The following DNA2 variants were observed in gnomAD, a reference collection of about 807,000 sequenced individuals.
The protein encoded by DNA2 is DNA replication ATP-dependent helicase/nuclease DNA2.
In DNA2, 101 loss-of-function variants were observed where a neutral mutation model predicts 119.1. The observed-to-expected ratio is 0.85, with a 90% CI of 0.72 to 1.00. The LOEUF is 1.00. DNA2 is among the 50% of genes least tolerant of loss of function. DNA2 has a pLI of 0.00. For missense variants in DNA2, 1,121 were observed against 1,255.5 expected (o/e 0.89, Z 1.62); for synonymous variants, 366 against 424.4 (o/e 0.86, Z 1.69).
At chr10:68,432,978 C>T (rs1413314327) in intron 10 of DNA2, among the ~76,000 whole-genome samples, 1 of 152,118 alleles carries the variant, frequency 6.6e-6, no homozygotes, top group African/African-American at 2.4e-5. Flanking sequence ...CAGGCCCTCA[C>T]GTGCCTCCAA....
intron 14 of DNA2, among the ~76,000 whole-genome samples, chr10:68,424,066 A>T (rs1390376884): frequency 6.6e-6 from 1 of 152,260 alleles, no homozygotes; most frequent in Non-Finnish European, 1.5e-5. Context: ...GAGAGGTCAG[A>T]ACTATCTGAC....
chr10:68,452,190 C>T (rs2052128012), intron 5 of DNA2, among the ~76,000 whole-genome samples: 1 of 152,008 alleles, frequency 6.6e-6, no homozygotes, highest in Non-Finnish European at 1.5e-5. Context: ...TCAAGCAATC[C>T]TTCTGTTTCA....
intron 4 of DNA2, among the ~76,000 whole-genome samples, chr10:68,459,667 G>A (rs1293681197): frequency 6.6e-6 from 1 of 152,102 alleles, no homozygotes; most frequent in Non-Finnish European, 1.5e-5. Flanking sequence ...AAAGAGTTCT[G>A]GAGATAGATA....
At chr10:68,465,586 G>C in intron 4 of DNA2, 81 bp downstream of exon 4, 1 of 1,059,336 alleles carries the variant, frequency 9.4e-7, no homozygotes, top group Non-Finnish European at 1.3e-6. Context: ...ATATTGGATA[G>C]TCTACACAAA....
chr10:68,443,843 C>A (rs760620812), intron 8 of DNA2, among the ~76,000 whole-genome samples: 1 of 151,550 alleles, frequency 6.6e-6, no homozygotes, highest in African/African-American at 2.4e-5. Context: ...CCCAGCTACT[C>A]GAGAGGCTGA....
chr10:68,458,344 C>A (rs2052212065), intron 5 of DNA2, among the ~76,000 whole-genome samples: 1 of 152,060 alleles, frequency 6.6e-6, no homozygotes, highest in East Asian at 1.9e-4. Flanking sequence ...CCAGCCTGGC[C>A]AACATGGCAA....
chr10:68,432,139 G>C, intron 12 of DNA2, 67 bp downstream of exon 12: 1 of 1,217,270 alleles, frequency 8.2e-7, no homozygotes, highest in Non-Finnish European at 1.2e-6. Flanking sequence ...CAAGATATTA[G>C]ACTACAGTAT....
At chr10:68,436,825 T>G in intron 10 of DNA2, 186 bp downstream of exon 10, 1 of 545,552 alleles carries the variant, frequency 1.8e-6, no homozygotes, top group Non-Finnish European at 3.2e-6. Context: ...CTAAAGGGTA[T>G]AGGGCTTCTT....
intron 14 of DNA2, among the ~76,000 whole-genome samples, chr10:68,428,866 G>A (rs76904762): frequency 0.046 from 7,049 of 152,196 alleles, 533 homozygotes; most frequent in African/African-American, 0.16. Flanking sequence ...GAGGAATCTT[G>A]TGGTAATAGA....
At position 68,471,905 on chromosome 10, in the gene DNA2, C is replaced by G. The variant is rs760035907; in HGVS notation, c.-41G>C. On this transcript the variant is annotated 5_prime_UTR_variant, in exon 1 of 21. Transcript: ENST00000358410. ...CGCAAACTGTAGACAGAAAAGACAG[C>G]GGAACCGGGGGTAACACAGAAAGCT... is the stretch of plus-strand genomic sequence containing the variant. 1.2e-6 allele frequency: 2 copies of G among 1,613,700 alleles called. No individual in the cohort carries two copies. Among genetic ancestry groups the G allele is most frequent in the Non-Finnish European group, 1.7e-6 (2 of 1,179,748 alleles).
At chr10:68,430,041 G>A (rs977921059) in intron 14 of DNA2, among the ~76,000 whole-genome samples, 8 of 151,394 alleles carry the variant, frequency 5.3e-5, no homozygotes, top group Admixed American at 1.3e-4. Context: ...CCACCACCAC[G>A]CCCGGCTAAT....
At chr10:68,450,332 A>C in intron 5 of DNA2, 85 bp from the exon 6 acceptor site, 6 of 1,051,418 alleles carry the variant, frequency 5.7e-6, no homozygotes, top group Non-Finnish European at 8.3e-6. Context: ...TATTACACAC[A>C]GAGAATGTGG....
intron 6 of DNA2, among the ~76,000 whole-genome samples, chr10:68,448,066 G>C (rs1357521138): frequency 6.6e-6 from 1 of 151,814 alleles, no homozygotes; most frequent in South Asian, 2.1e-4. Flanking sequence ...ATTCTATAGA[G>C]AATTTTCTTA....
chr10:68,472,065 G>C, upstream of DNA2: 2 of 1,592,072 alleles, frequency 1.3e-6, no homozygotes, highest in South Asian at 1.1e-5. Flanking sequence ...TGAGCAGCAG[G>C]GCTCTGTCCC....
At chr10:68,420,472 G>T (rs1264647618) in intron 17 of DNA2, among the ~76,000 whole-genome samples, 1 of 152,202 alleles carries the variant, frequency 6.6e-6, no homozygotes, top group East Asian at 1.9e-4. Context: ...GGGAGTCGGA[G>T]GTTGCAGTGA....
At chr10:68,445,986 T>C (rs2052034017) in intron 7 of DNA2, among the ~76,000 whole-genome samples, 1 of 152,012 alleles carries the variant, frequency 6.6e-6, no homozygotes, top group African/African-American at 2.4e-5. Context: ...TAGCCAGGCA[T>C]GGTGGCACAT....
chr10:68,460,773 T>C (rs1489388795), intron 4 of DNA2, among the ~76,000 whole-genome samples: 1 of 151,998 alleles, frequency 6.6e-6, no homozygotes, highest in Admixed American at 6.6e-5. Flanking sequence ...ACGCCAAGCA[T>C]GGTGGTGTGA....
At chr10:68,469,458 G>A (rs916542508) in intron 2 of DNA2, among the ~76,000 whole-genome samples, 2 of 151,146 alleles carry the variant, frequency 1.3e-5, no homozygotes, top group East Asian at 1.9e-4. Flanking sequence ...TCCTTTGTAC[G>A]TGATTTTCTT....
intron 14 of DNA2, among the ~76,000 whole-genome samples, chr10:68,429,027 T>C (rs751441494): frequency 6.6e-6 from 1 of 152,152 alleles, no homozygotes; most frequent in Non-Finnish European, 1.5e-5. Flanking sequence ...AAATGTTTAA[T>C]TTAATAAAAA....
Sources: allele counts gnomAD v4.1 joint callset (sites outside exome capture counted in the v4.1 genomes callset), GRCh38; gene constraint gnomAD v4.1.1; transcripts MANE v1.5; gene names NCBI Gene and HGNC (gene_info 2026-07-23, HGNC 2026-07-21).